The following SCRN1 variants were observed in gnomAD, a reference collection of about 807,000 sequenced individuals.
SCRN1 encodes the protein secernin-1.
In SCRN1, 19 loss-of-function variants were observed where a neutral mutation model predicts 43.3. That is an observed-to-expected ratio of 0.44 (90% CI 0.31 to 0.64). The LOEUF (loss-of-function observed/expected upper bound fraction) is 0.64. Among genes scored for constraint, SCRN1 ranks in the 30% least tolerant of loss-of-function variants. The pLI is 0.09. For synonymous variants in SCRN1, 183 were observed against 188.9 expected, an observed-to-expected ratio of 0.97 and a Z score of 0.26; for missense variants, 447 against 524.1, an observed-to-expected ratio of 0.85 and a Z score of 1.44.
chr7:29,982,747 T>C (rs1461459787), intron 1 of SCRN1, among the ~76,000 whole-genome samples: 1 of 150,276 alleles, frequency 6.7e-6, no homozygotes, highest in African/African-American at 2.5e-5. Flanking sequence ...GGTTGTATAA[T>C]TAATACGTAG....
chr7:29,944,144 G>C lies in SCRN1; in HGVS notation c.377C>G (p.Ala126Gly). 1.2e-6 allele frequency: 2 copies of C among 1,614,190 alleles called. No individual in the cohort carries two copies. The highest frequency in any genetic ancestry group is 1.7e-6 in the Non-Finnish European group (2 of 1,180,038). ...CAACAAGGAGACAATGACATCTAAG[G>C]CTTCTTTAGCTGTTTCCCCTCTTTC... ...GLERGETAKE[A>G]LDVIVSLLEE... The change falls in exon 4 of 8, where the codon GCC (alanine) becomes GGC (glycine). Residue 126 changes from alanine (A) to glycine (G), a missense_variant. Physicochemically the swap from Ala to Gly is moderately conservative, Grantham distance 60. Coordinates refer to ENST00000242059, the MANE Select transcript of SCRN1 (RefSeq NM_014766.5).
At chr7:29,934,851 G>A (rs1368323528) in intron 6 of SCRN1, among the ~76,000 whole-genome samples, 3 of 152,198 alleles carry the variant, frequency 2.0e-5, no homozygotes, top group African/African-American at 7.2e-5. Context: ...CAGAGGGGCT[G>A]GGGGTAGAGG....
rs1342825919 is a variant in SCRN1 at position 29,951,465 on chromosome 7, GAGGTTTCCGGCTGGAAA to G, written c.341+3697_341+3713del. 5.3e-5 allele frequency among the ~76,000 whole-genome samples: 8 copies of G among 152,226 alleles called. No homozygotes were observed. In the East Asian group the frequency reaches 1.5e-3, roughly 29 times the overall value. ...TCAGGCAAAGGTGCCACCAGCCACA[GAGGTTTCCGGCTGGAAA>G]AGCAACACCGTAAGGATCGTGTGAC... On this transcript the variant is annotated intron_variant, in intron 3 of 7. Transcript: ENST00000242059.
rs528269187 is a variant in SCRN1, at chr7:29,936,642, G to T, written c.819C>A (p.Leu273=). The part of the protein sequence containing the change: ...SGVCIDSEFF[L]TTASGVSVLP... Reference sequence around the variant, plus strand: ...GGACAGACACTCCACTGGCTGTGGTGAGGAAAAACTCAGAGTCTATGCACA... The same window carrying T: ...GGACAGACACTCCACTGGCTGTGGTTAGGAAAAACTCAGAGTCTATGCACA... The change falls in exon 6 of 8, where the codon CTC becomes CTA. Residue 273 remains leucine (L), a synonymous_variant. Transcript: ENST00000242059. 2.5e-6 allele frequency: 4 copies of T among 1,608,082 alleles called. No individual in the cohort carries two copies. The South Asian group carries it at 3.3e-5, about 13-fold the overall frequency.
At chr7:29,954,403 T>C (rs1424076454) in intron 3 of SCRN1, among the ~76,000 whole-genome samples, 1 of 152,260 alleles carries the variant, frequency 6.6e-6, no homozygotes, top group South Asian at 2.1e-4. Flanking sequence ...TGGTTTTTAG[T>C]GTACTCACAA....
intron 6 of SCRN1, among the ~76,000 whole-genome samples, chr7:29,931,449 C>T (rs1260694054): frequency 2.0e-5 from 3 of 152,222 alleles, no homozygotes; most frequent in African/African-American, 7.2e-5. Context: ...AAGCTAAGTG[C>T]TTTGTCCAAA....
chr7:29,928,271 G>T (rs1240042530), intron 6 of SCRN1, among the ~76,000 whole-genome samples: 1 of 152,160 alleles, frequency 6.6e-6, no homozygotes, highest in African/African-American at 2.4e-5. Flanking sequence ...ACCCTGTCCT[G>T]CTGAATCAGA....
chr7:29,971,086 T>C (rs907727986), intron 1 of SCRN1, among the ~76,000 whole-genome samples: 4 of 152,164 alleles, frequency 2.6e-5, no homozygotes, highest in African/African-American at 9.7e-5. Flanking sequence ...CCAACTTCCA[T>C]GTGTTTTATT....
chr7:29,976,374 A>G (rs1788838626), intron 1 of SCRN1, among the ~76,000 whole-genome samples: 1 of 152,248 alleles, frequency 6.6e-6, no homozygotes, highest in Admixed American at 6.5e-5. Context: ...GGCATCTAGA[A>G]TAGTAAAACT....
At chr7:29,932,370 C>A (rs1367715531) in intron 6 of SCRN1, among the ~76,000 whole-genome samples, 5 of 152,044 alleles carry the variant, frequency 3.3e-5, no homozygotes, top group African/African-American at 1.2e-4. Context: ...TTGCCCAAGC[C>A]AATTTAACTT....
chr7:29,942,870 G>A (rs965634984), intron 4 of SCRN1, among the ~76,000 whole-genome samples: 2 of 152,100 alleles, frequency 1.3e-5, no homozygotes, highest in Admixed American at 1.3e-4. Context: ...TGCCTCACTG[G>A]GGCAATTTTG....
chr7:29,928,118 G>A (rs1787031370), intron 6 of SCRN1, among the ~76,000 whole-genome samples: 1 of 152,112 alleles, frequency 6.6e-6, no homozygotes. Context: ...GCGAGACTTT[G>A]TCTCAAAAAC....
chr7:29,959,907 AC>A lies in SCRN1; in HGVS notation c.160-4548del, dbSNP rs529685137. On this transcript the variant is annotated intron_variant, in intron 2 of 7. Transcript: ENST00000242059. ...CTGGGGACTCCTGATTCTGGAGCTGACTAGAAGAAAACAAAAAAAGAAAGAA... is the reference window on the plus strand; with the variant it reads ...CTGGGGACTCCTGATTCTGGAGCTGATAGAAGAAAACAAAAAAAGAAAGAA... Among the ~76,000 whole-genome samples the A allele has an allele frequency of 9.2e-5, 14 of 151,460 alleles. No individual in the cohort carries two copies. The East Asian group carries it at 2.7e-3, about 29-fold the overall frequency.
chr7:29,988,747 C>T (rs1319750833), intron 1 of SCRN1: 1 of 152,360 alleles, frequency 6.6e-6, no homozygotes, highest in Non-Finnish European at 1.5e-5. Context: ...CCAGAAAAGC[C>T]ACGTTATTTA....
intron 3 of SCRN1, among the ~76,000 whole-genome samples, chr7:29,948,549 T>C (rs1446509891): frequency 6.6e-6 from 1 of 152,258 alleles, no homozygotes; most frequent in Non-Finnish European, 1.5e-5. Flanking sequence ...ACTTTTGTGA[T>C]TTTTAACATG....
At position 29,952,279 on chromosome 7, in the gene SCRN1, G is replaced by C. The variant is rs560668649; in HGVS notation, c.341+2900C>G. Among the ~76,000 whole-genome samples the C allele has an allele frequency of 3.9e-5, 6 of 152,330 alleles. No homozygotes were observed. In the East Asian group the frequency reaches 1.2e-3, roughly 29 times the overall value. ...GTTCCCAGGTGATGCTTGTTCACCA[G>C]CCATACTTTGAGAACCACTACTCTA... On this transcript the variant is annotated intron_variant, in intron 3 of 7. Coordinates refer to ENST00000242059, the MANE Select transcript of SCRN1 (RefSeq NM_014766.5).
At chr7:29,938,582 G>GA (rs1397602364) in intron 5 of SCRN1, among the ~76,000 whole-genome samples, 4 of 152,266 alleles carry the variant, frequency 2.6e-5, no homozygotes, top group African/African-American at 9.6e-5. Context: ...ACCCAGGGCG[G>GA]AAAACCGCTT....
In SCRN1 at chr7:29,922,355, T is replaced by C. The variant is rs1786797084; in HGVS notation, c.*1602A>G. 6.6e-6 allele frequency: 1 copy of C among 152,260 alleles called. No individual in the cohort carries two copies. The highest frequency in any genetic ancestry group is 1.5e-5 in the Non-Finnish European group (1 of 68,036). The allele number at this position is 152,260 out of a possible 1,614,324, so 9.4% of individuals were successfully genotyped here. A position where few individuals can be genotyped will look rare whatever the true frequency, so the allele number is the denominator to read the frequency against. ...TTCTGATAAAACCTCTGATCCTCAC[T>C]GTTCACATCCATGTAACAGGGCTCG... On this transcript the variant is annotated 3_prime_UTR_variant, in exon 8 of 8. Transcript: ENST00000242059.
chr7:29,975,816 C>A (rs10234140), intron 1 of SCRN1, among the ~76,000 whole-genome samples: 8,328 of 152,282 alleles, frequency 0.055, 340 homozygotes, highest in Middle Eastern at 0.078. Flanking sequence ...TAATTTAACT[C>A]CCATAGATGG....
Sources: gnomAD v4.1 joint callset for allele counts (sites outside exome capture counted in the v4.1 genomes callset) on GRCh38, gnomAD v4.1.1 for gene constraint, MANE v1.5 for transcripts, NCBI Gene and HGNC (gene_info 2026-07-23, HGNC 2026-07-21) for gene names.